FGF12: variants seen among roughly 807,000 people sequenced by gnomAD.
FGF12 encodes fibroblast growth factor 12B.
In FGF12, 14 loss-of-function variants were observed where a neutral mutation model predicts 23.6. The observed-to-expected ratio is 0.59, with a 90% confidence interval of 0.39 to 0.93. The LOEUF (loss-of-function observed/expected upper bound fraction) is 0.93. Ranked by LOEUF, FGF12 falls within the 40% of genes least tolerant of loss-of-function variation. FGF12 has a pLI of 0.00. For synonymous variants in FGF12, 62 were observed against 77.3 expected, an observed-to-expected ratio of 0.80 and a Z score of 1.04; for missense variants, 175 against 217.8, an observed-to-expected ratio of 0.80 and a Z score of 1.24.
intron 2 of FGF12, among the ~76,000 whole-genome samples, chr3:192,563,537 A>G (rs749530065): frequency 6.6e-6 from 1 of 152,202 alleles, no homozygotes; most frequent in Non-Finnish European, 1.5e-5. Flanking sequence ...AATCAAGCTA[A>G]ATCCAATGAG....
chr3:192,463,465 A>G (rs1722920675), intron 2 of FGF12, among the ~76,000 whole-genome samples: 2 of 152,176 alleles, frequency 1.3e-5, no homozygotes, highest in African/African-American at 4.8e-5. Context: ...TTATCAAAAT[A>G]TTATATAATA....
chr3:192,599,344 T>A (rs941305242), intron 2 of FGF12, among the ~76,000 whole-genome samples: 1 of 151,708 alleles, frequency 6.6e-6, no homozygotes, highest in Non-Finnish European at 1.5e-5. Flanking sequence ...TGCAATTTAC[T>A]AAATATGTGA....
intron 4 of FGF12, among the ~76,000 whole-genome samples, chr3:192,254,781 T>C (rs1002319553): frequency 6.6e-5 from 10 of 152,084 alleles, no homozygotes; most frequent in Non-Finnish European, 1.2e-4. Flanking sequence ...ATAAAAAGTT[T>C]AACAATTCAA....
chr3:192,167,425 T>C (rs937343255), intron 5 of FGF12, among the ~76,000 whole-genome samples: 5 of 151,850 alleles, frequency 3.3e-5, no homozygotes, highest in African/African-American at 1.2e-4. Flanking sequence ...CAGTGCACAG[T>C]TGTAAATAAG....
intron 2 of FGF12, among the ~76,000 whole-genome samples, chr3:192,633,378 C>A (rs1715463797): frequency 1.3e-5 from 2 of 151,978 alleles, no homozygotes; most frequent in African/African-American, 2.4e-5. Context: ...GGATTTGGGA[C>A]CCCCTTTAAG....
At chr3:192,653,086 A>G (rs932749957) in intron 2 of FGF12, among the ~76,000 whole-genome samples, 2 of 152,222 alleles carry the variant, frequency 1.3e-5, no homozygotes, top group Admixed American at 1.3e-4. Flanking sequence ...GTGCACTAAT[A>G]GAAATTGTGA....
intron 2 of FGF12, among the ~76,000 whole-genome samples, chr3:192,680,215 C>T (rs994231593): frequency 3.9e-5 from 6 of 152,098 alleles, no homozygotes; most frequent in Non-Finnish European, 5.9e-5. Flanking sequence ...GAAGTGGACA[C>T]CACTGTTCCA....
At chr3:192,321,029 G>A (rs1432483799) in intron 4 of FGF12, among the ~76,000 whole-genome samples, 1 of 151,872 alleles carries the variant, frequency 6.6e-6, no homozygotes, top group African/African-American at 2.4e-5. Context: ...TTGGTTTTTT[G>A]AAAAGATAAA....
intron 4 of FGF12, among the ~76,000 whole-genome samples, chr3:192,175,617 C>G (rs1040892094): frequency 2.0e-5 from 3 of 152,138 alleles, no homozygotes; most frequent in Non-Finnish European, 4.4e-5. Context: ...AGTTTTTGTT[C>G]TATCATGGTA....
chr3:192,389,424 C>A (rs563545923), intron 2 of FGF12, among the ~76,000 whole-genome samples: 78 of 152,328 alleles, frequency 5.1e-4, no homozygotes, highest in Non-Finnish European at 9.4e-4. Context: ...AGATCAAACA[C>A]TTCCTCAAGG....
chr3:192,249,854 G>C (rs1711882510), intron 4 of FGF12, among the ~76,000 whole-genome samples: 2 of 152,074 alleles, frequency 1.3e-5, no homozygotes, highest in Non-Finnish European at 2.9e-5. Flanking sequence ...ATGTGACACT[G>C]ACCAAAGGCA....
chr3:192,236,131 G>A (rs1719282431), intron 4 of FGF12, among the ~76,000 whole-genome samples: 2 of 152,080 alleles, frequency 1.3e-5, no homozygotes, highest in Admixed American at 1.3e-4. Context: ...AGTCATTCAG[G>A]GGCAGGTTGT....
At chr3:192,323,861 C>G (rs1716674415) in intron 4 of FGF12, among the ~76,000 whole-genome samples, 1 of 152,038 alleles carries the variant, frequency 6.6e-6, no homozygotes, top group African/African-American at 2.4e-5. Context: ...GAGGCTGAGG[C>G]AGGCAGATCG....
chr3:192,298,911 A>G (rs781277487), intron 4 of FGF12, among the ~76,000 whole-genome samples: 5 of 152,190 alleles, frequency 3.3e-5, no homozygotes, highest in Admixed American at 6.5e-5. Context: ...GCAAGAGAAC[A>G]AACAGAACAT....
At chr3:192,195,697 T>C (rs1717030157) in intron 4 of FGF12, among the ~76,000 whole-genome samples, 2 of 152,202 alleles carry the variant, frequency 1.3e-5, no homozygotes, top group Admixed American at 1.3e-4. Flanking sequence ...TATATACATA[T>C]ACACATTTCA....
chr3:192,631,031 G>A (rs1715374125), intron 2 of FGF12, among the ~76,000 whole-genome samples: 6 of 152,000 alleles, frequency 3.9e-5, no homozygotes, highest in African/African-American at 1.2e-4. Context: ...AACTGTCTCC[G>A]GTTCCATATT....
chr3:192,184,852 A>T (rs1222792463), intron 4 of FGF12, among the ~76,000 whole-genome samples: 1 of 152,254 alleles, frequency 6.6e-6, no homozygotes, highest in Non-Finnish European at 1.5e-5. Context: ...ATCCATAAAA[A>T]GAATTCAGAT....
intron 2 of FGF12, among the ~76,000 whole-genome samples, chr3:192,717,853 TCCC>T: frequency 6.6e-6 from 1 of 152,200 alleles, no homozygotes; most frequent in Non-Finnish European, 1.5e-5. Flanking sequence ...GTTAGATATT[TCCC>T]TTTCTTTTAT....
intron 4 of FGF12, among the ~76,000 whole-genome samples, chr3:192,296,230 T>TA (rs1330048839): frequency 6.9e-6 from 1 of 144,044 alleles, no homozygotes; most frequent in African/African-American, 2.7e-5. Flanking sequence ...TTTATTTTAT[T>TA]TTTTTTTTTT....
Sources: allele counts gnomAD v4.1 joint callset (sites outside exome capture counted in the v4.1 genomes callset), GRCh38; gene constraint gnomAD v4.1.1; transcripts MANE v1.5; gene names NCBI Gene and HGNC (gene_info 2026-07-23, HGNC 2026-07-21).